ADAMTS17: variants seen among roughly 807,000 people sequenced by gnomAD.
ADAMTS17 encodes the protein A disintegrin and metalloproteinase with thrombospondin motifs 17.
A neutral mutation model predicts 141.5 loss-of-function variants in ADAMTS17; 113 were observed. The ratio of observed to expected loss-of-function variants is 0.80; its 90% confidence interval spans 0.69 to 0.93. ADAMTS17 has a LOEUF of 0.93. Ranked by LOEUF, ADAMTS17 falls within the 40% of genes least tolerant of loss-of-function variation. The pLI, the probability that ADAMTS17 is intolerant of heterozygous loss-of-function variation, is 0.00. For missense variants in ADAMTS17, 1,659 were observed against 1,517.9 expected (o/e 1.09, Z -1.54); for synonymous variants, 768 against 630.6 (o/e 1.22, Z -3.27).
chr15:100,270,390 T>G (rs1201569443), intron 4 of ADAMTS17, among the ~76,000 whole-genome samples: 1 of 152,196 alleles, frequency 6.6e-6, no homozygotes, highest in African/African-American at 2.4e-5. Context: ...GTAGGAAGTA[T>G]AAGTGTATTA....
intron 18 of ADAMTS17, among the ~76,000 whole-genome samples, chr15:100,017,538 C>T (rs2061314739): frequency 6.6e-6 from 1 of 152,236 alleles, no homozygotes; most frequent in African/African-American, 2.4e-5. Context: ...CAGGGCCTTT[C>T]CCGCTGCTTC....
At chr15:100,258,178 A>G (rs1003978719) in intron 6 of ADAMTS17, among the ~76,000 whole-genome samples, 1 of 152,238 alleles carries the variant, frequency 6.6e-6, no homozygotes, top group Non-Finnish European at 1.5e-5. Context: ...TGCTGTGAAC[A>G]TGAGTGTTCA....
chr15:100,269,667 ACAGT>A (rs2043836897), intron 4 of ADAMTS17, among the ~76,000 whole-genome samples: 1 of 152,120 alleles, frequency 6.6e-6, no homozygotes, highest in Non-Finnish European at 1.5e-5. Flanking sequence ...GGGACAGTAG[ACAGT>A]CAGGAGATGT....
chr15:100,020,154 T>C (rs74036698), intron 18 of ADAMTS17, among the ~76,000 whole-genome samples: 8 of 152,220 alleles, frequency 5.3e-5, no homozygotes, highest in Non-Finnish European at 1.2e-4. Flanking sequence ...GGCCCTGCCC[T>C]GCTGGCCCAG....
rs1288754046 is a variant in ADAMTS17, at chr15:99,997,699, G to A, written c.2592-110C>T. 8.0e-6 allele frequency: 11 copies of A among 1,369,732 alleles called. No homozygotes were observed. Among genetic ancestry groups the A allele is most frequent in the Non-Finnish European group, 8.2e-6 (8 of 976,454 alleles). 84.8% of individuals were successfully genotyped at this position (1,369,732 alleles called of 1,614,324 possible). On this transcript the variant is annotated intron_variant, in intron 18 of 21. Coordinates refer to ENST00000268070, the MANE Select transcript of ADAMTS17 (RefSeq NM_139057.4). This position sits in a 1 kb window ranked among gnomAD's most constrained non-coding sequence, Gnocchi z 4.7. Reference sequence around the variant, plus strand: ...GCTGCCCTGTGGTGGGAGAGAGGGAGGCAGACTCAGGAAGCTTTTCAGCCA... The same window carrying A: ...GCTGCCCTGTGGTGGGAGAGAGGGAAGCAGACTCAGGAAGCTTTTCAGCCA...
chr15:100,305,886 TG>T (rs2141835364), intron 3 of ADAMTS17: 1 of 152,318 alleles, frequency 6.6e-6, no homozygotes, highest in South Asian at 2.1e-4. Flanking sequence ...CTCATCACAT[TG>T]TACATTTGAA....
At chr15:100,318,781 T>C (rs560079416) in intron 3 of ADAMTS17, among the ~76,000 whole-genome samples, 4 of 152,312 alleles carry the variant, frequency 2.6e-5, no homozygotes, top group Admixed American at 6.5e-5. Context: ...CCAGCAGTTG[T>C]TGGGCTCAAA....
chr15:100,285,339 T>C (rs1037109566), intron 3 of ADAMTS17, among the ~76,000 whole-genome samples: 1 of 152,350 alleles, frequency 6.6e-6, no homozygotes, highest in Non-Finnish European at 1.5e-5. Context: ...AAACTGTCAT[T>C]GTAGTTACTA....
chr15:100,071,741 T>C (rs1297759591), intron 15 of ADAMTS17, among the ~76,000 whole-genome samples: 2 of 150,238 alleles, frequency 1.3e-5, no homozygotes, highest in Non-Finnish European at 3.0e-5. Flanking sequence ...ATAAATTAGG[T>C]ATTGATAGGT....
chr15:100,089,551 T>G, intron 15 of ADAMTS17, among the ~76,000 whole-genome samples: 1 of 151,570 alleles, frequency 6.6e-6, no homozygotes, highest in Non-Finnish European at 1.5e-5. Context: ...ATTGTGGCAC[T>G]ATTCACAATA....
intron 3 of ADAMTS17, among the ~76,000 whole-genome samples, chr15:100,288,098 G>A (rs1271087670): frequency 6.6e-6 from 1 of 152,220 alleles, no homozygotes; most frequent in African/African-American, 2.4e-5. Flanking sequence ...ACAACTGTAT[G>A]CTGTCTTCAA....
intron 3 of ADAMTS17, among the ~76,000 whole-genome samples, chr15:100,313,420 T>C (rs1483563668): frequency 6.6e-6 from 1 of 152,212 alleles, no homozygotes; most frequent in Non-Finnish European, 1.5e-5. Context: ...GCAGAAAAAT[T>C]ATATGCAAGC....
intron 3 of ADAMTS17, among the ~76,000 whole-genome samples, chr15:100,326,697 G>C (rs577861425): frequency 6.6e-6 from 1 of 152,280 alleles, no homozygotes; most frequent in East Asian, 1.9e-4. Context: ...TCTTTATGGG[G>C]AGAGACCTAA....
In ADAMTS17 at chr15:100,229,870, T is replaced by G. The variant is rs74037587; in HGVS notation, c.1075+24266A>C. Among the ~76,000 whole-genome samples, 789 of 152,296 alleles carry G rather than the reference T, an allele frequency of 5.2e-3. 3 individuals carry two copies. The highest frequency in any genetic ancestry group is 0.017 in the African/African-American group (694 of 41,562). ...TGAGCAGGTGGACACAGAGCCAAGA[T>G]GAAAGGCCACAGCACCTTCCCTGAC... On this transcript the variant is annotated intron_variant, in intron 7 of 21. Coordinates refer to ENST00000268070, the MANE Select transcript of ADAMTS17 (RefSeq NM_139057.4).
rs376009030 is a variant in ADAMTS17, at chr15:99,997,463, C to G, written c.2718G>C (p.Pro906=). The G allele has an allele frequency of 6.2e-7, 1 of 1,613,456 alleles. No homozygotes were observed. Among genetic ancestry groups the G allele is most frequent in the Non-Finnish European group, 8.5e-7 (1 of 1,179,980 alleles). Residue 906 remains proline (P), a synonymous_variant, in exon 19 of 22, where the codon CCG becomes CCC. Coordinates refer to ENST00000268070, the MANE Select transcript of ADAMTS17 (RefSeq NM_139057.4). The surrounding 1 kb of genome is among the most constrained non-coding windows in gnomAD (Gnocchi z 4.7). ...TCTGCACTGCCGCCGGCCGGGGGCC[C>G]GGGCAGTAGAGGGGCCGCGTAGCGA... ...THVATRPLYC[P]GPRPAAVQSC... is the part of the protein sequence containing the mutation.
At chr15:100,164,374 G>C (rs1295392792) in intron 8 of ADAMTS17, among the ~76,000 whole-genome samples, 1 of 133,070 alleles carries the variant, frequency 7.5e-6, no homozygotes, top group East Asian at 2.2e-4. Flanking sequence ...GACTAAACAG[G>C]GATAATAATA....
At position 100,132,109 on chromosome 15, in the gene ADAMTS17, T is replaced by C; in HGVS notation, c.1619A>G (p.Glu540Gly). 1.2e-6 allele frequency: 2 copies of C among 1,614,068 alleles called. No individual in the cohort carries two copies. The highest frequency in any genetic ancestry group is 1.7e-6 in the Non-Finnish European group (2 of 1,180,016). Residue 540 changes from glutamate (E) to glycine (G), a missense_variant, in exon 12 of 22, where the codon GAG becomes GGG. Coordinates refer to ENST00000268070, the MANE Select transcript of ADAMTS17 (RefSeq NM_139057.4). ...GECVSKTPIP[E>G]HVDGDWSPWG... ...CGGGCTCCAGTCTCCGTCCACATGC[T>C]CCGGGATGGGCGTCTTGCTCACGCA...
At chr15:100,107,918 G>A (rs756929863) in intron 14 of ADAMTS17, among the ~76,000 whole-genome samples, 32 of 152,078 alleles carry the variant, frequency 2.1e-4, no homozygotes, top group Non-Finnish European at 2.9e-4. Context: ...AGCTTGACCC[G>A]AGTCACCAGG....
rs961857429 is a variant in ADAMTS17, at chr15:100,163,103, T to C, written c.1182-7783A>G. The stretch of plus-strand genomic sequence containing the variant: ...AACTATATAGTTCTATATAGTTCTC[T>C]ATAGGTATATAGGACAGGTATATAC... On this transcript the variant is annotated intron_variant, in intron 8 of 21. Coordinates refer to ENST00000268070, the MANE Select transcript of ADAMTS17 (RefSeq NM_139057.4). Among the ~76,000 whole-genome samples the C allele has an allele frequency of 6.6e-5, 10 of 151,408 alleles. No individual in the cohort carries two copies. The East Asian group carries it at 1.7e-3, about 26-fold the overall frequency.
Sources: allele counts gnomAD v4.1 joint callset (sites outside exome capture counted in the v4.1 genomes callset), GRCh38; gene constraint gnomAD v4.1.1; non-coding constraint Gnocchi (gnomAD v3.1); transcripts MANE v1.5; gene names NCBI Gene and HGNC (gene_info 2026-07-23, HGNC 2026-07-21).